Variants in FSTL5 observed in about 807,000 individuals in gnomAD.
The protein encoded by FSTL5 is follistatin like 5.
A neutral mutation model predicts 89.1 loss-of-function variants in FSTL5; 62 were observed. That is an observed-to-expected ratio of 0.70 (90% CI 0.57 to 0.86). The LOEUF is 0.86. Ranked by LOEUF, FSTL5 falls within the 40% of genes least tolerant of loss-of-function variation. The pLI, the probability that FSTL5 is intolerant of heterozygous loss-of-function variation, is 0.00. For synonymous variants in FSTL5, 383 were observed against 346.2 expected, an observed-to-expected ratio of 1.11 and a Z score of -1.18; for missense variants, 1,057 against 1,001.6, an observed-to-expected ratio of 1.06 and a Z score of -0.75.
chr4:162,099,758 G>A (rs1467318836), intron 2 of FSTL5, among the ~76,000 whole-genome samples: 3 of 152,122 alleles, frequency 2.0e-5, no homozygotes, highest in African/African-American at 7.2e-5. Context: ...TATAAAATGG[G>A]CAAAAGAGCT....
chr4:161,949,937 C>T (rs1233656784), intron 3 of FSTL5, among the ~76,000 whole-genome samples: 1 of 151,928 alleles, frequency 6.6e-6, no homozygotes, highest in Non-Finnish European at 1.5e-5. Context: ...GATATTTCTA[C>T]ATTTGCTTCT....
intron 15 of FSTL5, among the ~76,000 whole-genome samples, chr4:161,417,238 C>T (rs1345166620): frequency 6.6e-6 from 1 of 152,172 alleles, no homozygotes; most frequent in East Asian, 1.9e-4. Context: ...TCTGAAGTAG[C>T]ATATGAAATA....
intron 3 of FSTL5, among the ~76,000 whole-genome samples, chr4:161,968,001 C>A (rs1471677228): frequency 6.6e-6 from 1 of 151,712 alleles, no homozygotes; most frequent in Non-Finnish European, 1.5e-5. Context: ...AAAATAAATA[C>A]TTGTGTATTT....
At chr4:161,804,073 C>G (rs533739182) in intron 4 of FSTL5, among the ~76,000 whole-genome samples, 2 of 152,056 alleles carry the variant, frequency 1.3e-5, no homozygotes, top group Admixed American at 1.3e-4. Flanking sequence ...GGTTCTTACA[C>G]GTGGCACATC....
intron 7 of FSTL5, among the ~76,000 whole-genome samples, chr4:161,608,351 C>G (rs2126632519): frequency 6.6e-6 from 1 of 152,114 alleles, no homozygotes; most frequent in South Asian, 2.1e-4. Flanking sequence ...CACCTCGGTA[C>G]CAATGGTCAA....
intron 4 of FSTL5, among the ~76,000 whole-genome samples, chr4:161,790,640 G>C (rs76665025): frequency 1.0e-3 from 152 of 152,248 alleles, no homozygotes; most frequent in Non-Finnish European, 1.8e-3. Context: ...CTAATGTAAA[G>C]AGGTCAGCTA....
intron 2 of FSTL5, among the ~76,000 whole-genome samples, chr4:162,040,296 T>C (rs1002072547): frequency 6.6e-6 from 1 of 152,090 alleles, no homozygotes; most frequent in Non-Finnish European, 1.5e-5. Flanking sequence ...CACTAAGTAA[T>C]ATGGATTGGA....
chr4:161,526,048 A>T (rs1731208765), intron 10 of FSTL5, among the ~76,000 whole-genome samples: 3 of 152,114 alleles, frequency 2.0e-5, no homozygotes, highest in African/African-American at 7.2e-5. Context: ...TCTGTCAATT[A>T]TTTGCGCTGA....
intron 12 of FSTL5, among the ~76,000 whole-genome samples, chr4:161,483,200 A>G (rs932388934): frequency 5.3e-5 from 8 of 152,240 alleles, no homozygotes; most frequent in Admixed American, 3.3e-4. Context: ...AAATATACTG[A>G]ATGTCAAGGA....
intron 6 of FSTL5, among the ~76,000 whole-genome samples, chr4:161,745,030 A>G (rs1353964953): frequency 6.6e-6 from 1 of 152,028 alleles, no homozygotes; most frequent in East Asian, 1.9e-4. Flanking sequence ...CGGAGGAAAA[A>G]AAAAAGAAAT....
At chr4:161,591,989 C>T (rs886116870) in intron 7 of FSTL5, among the ~76,000 whole-genome samples, 1 of 152,072 alleles carries the variant, frequency 6.6e-6, no homozygotes, top group Non-Finnish European at 1.5e-5. Context: ...CCTTGTCAGT[C>T]ATAAGTTGAA....
At chr4:161,962,504 AT>A (rs990029763) in intron 3 of FSTL5, among the ~76,000 whole-genome samples, 3 of 149,902 alleles carry the variant, frequency 2.0e-5, no homozygotes, top group East Asian at 2.0e-4. Flanking sequence ...TCCTCAGAGT[AT>A]TTTTTTTTGT....
intron 7 of FSTL5, among the ~76,000 whole-genome samples, chr4:161,605,043 C>T (rs1734388425): frequency 1.3e-5 from 2 of 152,230 alleles, no homozygotes; most frequent in Admixed American, 6.5e-5. Context: ...AAATGCCAAG[C>T]TAAGAAAACA....
chr4:162,114,245 A>T (rs1489827242), intron 1 of FSTL5, among the ~76,000 whole-genome samples: 1 of 152,162 alleles, frequency 6.6e-6, no homozygotes, highest in Non-Finnish European at 1.5e-5. Context: ...ATTTGTTTAT[A>T]AGACATCTGG....
chr4:161,890,486 G>C (rs1256477225), intron 4 of FSTL5, among the ~76,000 whole-genome samples: 3 of 151,988 alleles, frequency 2.0e-5, no homozygotes, highest in African/African-American at 7.2e-5. Context: ...TCAGGAGTTT[G>C]AGACCAGCCT....
chr4:161,506,968 G>A (rs10009896), intron 11 of FSTL5, among the ~76,000 whole-genome samples: 2,578 of 152,104 alleles, frequency 0.017, 67 homozygotes, highest in African/African-American at 0.058. Context: ...TCCTGAATAC[G>A]AAACTTTTTT....
chr4:162,073,659 C>A (rs1729717729), intron 2 of FSTL5, among the ~76,000 whole-genome samples: 1 of 151,662 alleles, frequency 6.6e-6, no homozygotes, highest in Admixed American at 6.6e-5. Context: ...GATTATAGTT[C>A]ATTTCAGTGA....
At chr4:161,967,137 A>T (rs1186197170) in intron 3 of FSTL5, among the ~76,000 whole-genome samples, 1 of 151,994 alleles carries the variant, frequency 6.6e-6, no homozygotes, top group East Asian at 1.9e-4. Context: ...CAGATATCAC[A>T]ATTTGATAAA....
chr4:161,709,770 T>C (rs1738712375), intron 6 of FSTL5, among the ~76,000 whole-genome samples: 1 of 151,958 alleles, frequency 6.6e-6, no homozygotes, highest in African/African-American at 2.4e-5. Context: ...CAATTCAGCC[T>C]GAACAGAGCA....
Sources: allele counts gnomAD v4.1 joint callset (sites outside exome capture counted in the v4.1 genomes callset), GRCh38; gene constraint gnomAD v4.1.1; transcripts MANE v1.5; gene names NCBI Gene and HGNC (gene_info 2026-07-23, HGNC 2026-07-21).